TMPRSS2: variants seen among roughly 807,000 people sequenced by gnomAD.
The protein encoded by TMPRSS2 is transmembrane protease serine 2.
Under a neutral mutation model 67.4 loss-of-function variants are expected in TMPRSS2, and 59 were observed. That is an observed-to-expected ratio of 0.88 (90% CI 0.71 to 1.09). The LOEUF is 1.09. Among genes scored for constraint, TMPRSS2 ranks in the 50% least tolerant of loss-of-function variants. TMPRSS2 has a pLI of 0.00. For missense variants in TMPRSS2, 668 were observed against 642.7 expected (o/e 1.04, Z -0.43); for synonymous variants, 257 against 257.0 (o/e 1.00, Z 0.00).
At chr21:41,506,388 T>A (rs1416204308) in intron 1 of TMPRSS2, 2 of 152,216 alleles carry the variant, frequency 1.3e-5, no homozygotes, top group African/African-American at 4.8e-5. Context: ...CACCCCGAAC[T>A]CTCCAGCCTA....
chr21:41,468,533 T>C lies in TMPRSS2; in HGVS notation c.1177A>G (p.Thr393Ala). The C allele has an allele frequency of 4.3e-6, 7 of 1,613,982 alleles. No individual in the cohort carries two copies. The highest frequency in any genetic ancestry group is 5.9e-6 in the Non-Finnish European group (7 of 1,179,978). ...GWGATEEKGK[T>A]SEVLNAAKVL... Reference sequence around the variant, plus strand: ...TTGGCAGCGTTCAGCACTTCTGAGGTCTTCCCTAAGGACAGGGAGACTTGT... The same window carrying C: ...TTGGCAGCGTTCAGCACTTCTGAGGCCTTCCCTAAGGACAGGGAGACTTGT... Residue 393 changes from threonine (T) to alanine (A), a missense_variant, in exon 12 of 14, where the codon ACC (threonine) becomes GCC (alanine). Physicochemically the swap from Thr to Ala is moderately conservative, Grantham distance 58. Transcript: ENST00000332149.
At chr21:41,470,021 C>T (rs912462241) in intron 11 of TMPRSS2, among the ~76,000 whole-genome samples, 2 of 152,138 alleles carry the variant, frequency 1.3e-5, no homozygotes, top group Non-Finnish European at 2.9e-5. Context: ...TTGTACTTTT[C>T]CCCTTGTTTG....
At chr21:41,489,367 G>A (rs1055275150) in intron 4 of TMPRSS2, 140 bp downstream of exon 4, 22 of 623,918 alleles carry the variant, frequency 3.5e-5, no homozygotes, top group Middle Eastern at 3.9e-4. Flanking sequence ...CAAGAGAAGG[G>A]AAGAGAGACA....
intron 6 of TMPRSS2, among the ~76,000 whole-genome samples, chr21:41,480,031 T>C (rs1038832852): frequency 7.2e-5 from 11 of 152,180 alleles, no homozygotes; most frequent in African/African-American, 2.7e-4. Context: ...AAGGCTTCCA[T>C]GGCTCCCGAA....
Position 41,479,165 on chromosome 21 carries a change from T to C in TMPRSS2, c.683+7A>G. On this transcript the variant is annotated splice_region_variant and intron_variant, in intron 7 of 13. Transcript: ENST00000332149. ...CCAAAATTTTTCAAGAAGAAATTGCTGCATACCTGTGGTACAGTTTTTTAT... is the reference window on the plus strand; with the variant it reads ...CCAAAATTTTTCAAGAAGAAATTGCCGCATACCTGTGGTACAGTTTTTTAT... 6.2e-7 allele frequency: 1 copy of C among 1,608,948 alleles called. No homozygotes were observed. The highest frequency in any genetic ancestry group is 8.5e-7 in the Non-Finnish European group (1 of 1,176,392).
chr21:41,476,677 A>T, intron 7 of TMPRSS2, 57 bp from the exon 8 acceptor site: 1 of 1,455,740 alleles, frequency 6.9e-7, no homozygotes, highest in Non-Finnish European at 9.6e-7. Flanking sequence ...CCTGCCTCTC[A>T]CATGCTTAGA....
chr21:41,472,138 C>T (rs2091138901), intron 9 of TMPRSS2, among the ~76,000 whole-genome samples, 157 bp from the exon 10 acceptor site: 1 of 151,680 alleles, frequency 6.6e-6, no homozygotes, highest in Admixed American at 6.6e-5. Context: ...TCGGTCTCCC[C>T]TTCTCCCCCA....
Position 41,507,894 on chromosome 21 carries a change from C to T in TMPRSS2, c.-57+187G>A, listed in dbSNP as rs2146520698. On this transcript the variant is annotated intron_variant, in intron 1 of 13. Coordinates refer to ENST00000332149, the MANE Select transcript of TMPRSS2 (RefSeq NM_005656.4). ...CCAGGCGCCCAGCACTCTCCCAGCA[C>T]CCCGGGAGGCGCCCTGCCCGGCTGG... 3 of 1,488,392 alleles carry T rather than the reference C, an allele frequency of 2.0e-6. No individual in the cohort carries two copies. In the South Asian group the frequency reaches 3.7e-5, roughly 19 times the overall value. The allele number at this position is 1,488,392 out of a possible 1,614,324, so 92.2% of individuals were successfully genotyped here.
chr21:41,504,825 C>T (rs1393290029), intron 1 of TMPRSS2, among the ~76,000 whole-genome samples: 1 of 152,192 alleles, frequency 6.6e-6, no homozygotes, highest in Non-Finnish European at 1.5e-5. Flanking sequence ...TGACTCCATA[C>T]AGGCCTCAGC....
At chr21:41,483,361 G>A (rs906786478) in intron 5 of TMPRSS2, among the ~76,000 whole-genome samples, 23 of 150,626 alleles carry the variant, frequency 1.5e-4, no homozygotes, top group African/African-American at 5.1e-4. Context: ...TCAGCTCACC[G>A]CAACCTCCAC....
chr21:41,469,307 G>A (rs971603670), intron 11 of TMPRSS2, among the ~76,000 whole-genome samples: 2 of 136,778 alleles, frequency 1.5e-5, no homozygotes, highest in Non-Finnish European at 3.3e-5. Context: ...TCACATCCAC[G>A]CCCGCACTCT....
Position 41,489,522 on chromosome 21 carries a change from G to T in TMPRSS2, c.310C>A (p.Leu104Ile). 6.2e-7 allele frequency: 1 copy of T among 1,614,110 alleles called. No homozygotes were observed. Among genetic ancestry groups the T allele is most frequent in the Non-Finnish European group, 8.5e-7 (1 of 1,179,986 alleles). The change falls in exon 4 of 14, where the codon CTA becomes ATA. Residue 104 changes from leucine (L) to isoleucine (I), a missense_variant. Coordinates refer to ENST00000332149, the MANE Select transcript of TMPRSS2 (RefSeq NM_005656.4). ...CTGCACTTACTGAACTTCCAGAGTA[G>T]GCCAGCGGCCAGCGCAGCTCCCACG... The part of the protein sequence containing the change: ...FLVGAALAAG[L>I]LWKFMGSKCS...
rs1023572040 is a variant in TMPRSS2, at chr21:41,465,469, C to A, written c.*673G>T. Reference sequence around the variant, plus strand: ...GCCCCACCCAATGTGCAGGTGGAGACCTGCACCAGGAGTGCTCAGGGCAAG... The same window carrying A: ...GCCCCACCCAATGTGCAGGTGGAGAACTGCACCAGGAGTGCTCAGGGCAAG... On this transcript the variant is annotated 3_prime_UTR_variant, in exon 14 of 14. Transcript: ENST00000332149. 4 of 233,374 alleles carry A rather than the reference C, an allele frequency of 1.7e-5. No homozygotes were observed. The highest frequency in any genetic ancestry group is 8.8e-5 in the African/African-American group (4 of 45,352). The allele number at this position is 233,374 out of a possible 1,614,324, so 14.5% of individuals were successfully genotyped here.
In TMPRSS2 at chr21:41,478,102, A is replaced by C. The variant is rs988696640; in HGVS notation, c.683+1070T>G. ...CTCAGCATTTACAAAGTGCCCAGGC[A>C]GCTGTGTTTAGCTTCTCCACAGGGA... On this transcript the variant is annotated intron_variant, in intron 7 of 13. Transcript: ENST00000332149. The surrounding 1 kb of genome is among the most constrained non-coding windows in gnomAD (Gnocchi z 4.0). 3.3e-5 allele frequency among the ~76,000 whole-genome samples: 5 copies of C among 152,244 alleles called. No individual in the cohort carries two copies. The highest frequency in any genetic ancestry group is 7.3e-5 in the Non-Finnish European group (5 of 68,044).
chr21:41,473,887 A>AG (rs2091158205), intron 8 of TMPRSS2, among the ~76,000 whole-genome samples: 1 of 116,540 alleles, frequency 8.6e-6, no homozygotes, highest in Non-Finnish European at 1.8e-5. Context: ...GGGTGAGGAG[A>AG]CGAGGAGGTG....
At position 41,492,022 on chromosome 21, in the gene TMPRSS2, C is replaced by T. The variant is rs142659685; in HGVS notation, c.238+2334G>A. Among the ~76,000 whole-genome samples, 858 of 152,292 alleles carry T rather than the reference C, an allele frequency of 5.6e-3. 26 individuals carry two copies. In the East Asian group the frequency reaches 0.07, roughly 12 times the overall value. ...CCAGCCTGGCCAGCATGGCAAAACC[C>T]CGTCTCTACTAAAAATACAAAAATT... On this transcript the variant is annotated intron_variant, in intron 3 of 13. Coordinates refer to ENST00000332149, the MANE Select transcript of TMPRSS2 (RefSeq NM_005656.4).
chr21:41,479,434 AGAATATTGTAAC>A (rs2091240031), intron 6 of TMPRSS2, 152 bp from the exon 7 acceptor site: 1 of 625,250 alleles, frequency 1.6e-6, no homozygotes, highest in Non-Finnish European at 2.7e-6. Flanking sequence ...ACCAAGTGCT[AGAATATTGTAAC>A]GATTTTTCGA....
At chr21:41,469,507 T>G (rs898406846) in intron 11 of TMPRSS2, among the ~76,000 whole-genome samples, 2 of 152,144 alleles carry the variant, frequency 1.3e-5, no homozygotes, top group Admixed American at 6.5e-5. Flanking sequence ...CTATGCAATC[T>G]GGCCCCAGCC....
At chr21:41,504,771 G>A (rs1027558002) in intron 1 of TMPRSS2, among the ~76,000 whole-genome samples, 1 of 152,274 alleles carries the variant, frequency 6.6e-6, no homozygotes. Flanking sequence ...GCAAGTCAGG[G>A]CTTCCCAAAT....
Sources: gnomAD v4.1 joint callset for allele counts (sites outside exome capture counted in the v4.1 genomes callset) on GRCh38, gnomAD v4.1.1 for gene constraint, Gnocchi (gnomAD v3.1) non-coding constraint, MANE v1.5 for transcripts, NCBI Gene and HGNC (gene_info 2026-07-23, HGNC 2026-07-21) for gene names.